The following FDX1 variants were observed in gnomAD, a reference collection of about 807,000 sequenced individuals.
FDX1 encodes adrenodoxin, mitochondrial.
A neutral mutation model predicts 14.9 loss-of-function variants in FDX1; 9 were observed. The ratio of observed to expected loss-of-function variants is 0.60; its 90% CI spans 0.36 to 1.05. The LOEUF (loss-of-function observed/expected upper bound fraction) is 1.05. Ranked by LOEUF, FDX1 falls within the 50% of genes least tolerant of loss-of-function variation. FDX1 has a pLI of 0.01. For missense variants in FDX1, 204 were observed against 237.2 expected (o/e 0.86, Z 0.92); for synonymous variants, 92 against 99.4 (o/e 0.93, Z 0.44).
intron 2 of FDX1, among the ~76,000 whole-genome samples, chr11:110,450,524 T>C (rs1290972208): frequency 3.9e-5 from 6 of 152,228 alleles, no homozygotes; most frequent in African/African-American, 1.4e-4. Flanking sequence ...CTGTGTGGCC[T>C]GTGGCTCGGG....
At chr11:110,434,589 T>C (rs1022388212) in intron 1 of FDX1, among the ~76,000 whole-genome samples, 6 of 152,072 alleles carry the variant, frequency 3.9e-5, no homozygotes, top group African/African-American at 1.4e-4. Context: ...CGCCTTGGCC[T>C]CCCAAAGTGT....
chr11:110,430,156 C>T lies in FDX1; in HGVS notation c.36C>T (p.Ala12=). ...CTGGGGGCGCCCGGCTGCTGCGCGC[C>T]GCTTCTGCTGTCCTCGGCGGCCCGG... is the stretch of plus-strand genomic sequence containing the variant. ...AAAGGARLLR[A]ASAVLGGPAG... The change falls in exon 1 of 4, where the codon GCC becomes GCT. Residue 12 remains alanine (A), a synonymous_variant. Coordinates refer to ENST00000260270, the MANE Select transcript of FDX1 (RefSeq NM_004109.5). 1.6e-6 allele frequency: 2 copies of T among 1,242,672 alleles called. No homozygotes were observed. The highest frequency in any genetic ancestry group is 2.0e-6 in the Non-Finnish European group (2 of 996,606). 77.0% of individuals were successfully genotyped at this position (1,242,672 alleles called of 1,614,324 possible). A position where few individuals can be genotyped will look rare whatever the true frequency, so the allele number is the denominator to read the frequency against.
chr11:110,444,927 G>A (rs1946440935), intron 2 of FDX1, among the ~76,000 whole-genome samples: 1 of 151,286 alleles, frequency 6.6e-6, no homozygotes, highest in African/African-American at 2.4e-5. Context: ...CCTGGGCAAA[G>A]CTAAGAACCT....
intron 3 of FDX1, among the ~76,000 whole-genome samples, chr11:110,460,531 A>G (rs1946550116): frequency 6.6e-6 from 1 of 152,188 alleles, no homozygotes; most frequent in Non-Finnish European, 1.5e-5. Flanking sequence ...TCCAAAGCCC[A>G]TTGTGGACAA....
At chr11:110,461,627 T>G (rs1946557506) in intron 3 of FDX1, among the ~76,000 whole-genome samples, 1 of 152,174 alleles carries the variant, frequency 6.6e-6, no homozygotes, top group Admixed American at 6.5e-5. Context: ...CACCCTGCTT[T>G]CTTTCTGTAT....
At chr11:110,448,221 T>C (rs1217537280) in intron 2 of FDX1, among the ~76,000 whole-genome samples, 1 of 152,226 alleles carries the variant, frequency 6.6e-6, no homozygotes, top group East Asian at 1.9e-4. Context: ...AGGGAAATTA[T>C]ACAAATTGGA....
chr11:110,449,287 C>A (rs933367916), intron 2 of FDX1, among the ~76,000 whole-genome samples: 2 of 152,138 alleles, frequency 1.3e-5, no homozygotes, highest in African/African-American at 4.8e-5. Context: ...GTTGTATAAC[C>A]AAGCCAGGAT....
intron 2 of FDX1, among the ~76,000 whole-genome samples, chr11:110,441,373 A>G (rs903807460): frequency 6.6e-6 from 1 of 152,194 alleles, no homozygotes; most frequent in South Asian, 2.1e-4. Context: ...AAAATATGGG[A>G]AAGTTTGGAA....
At chr11:110,462,073 A>G (rs1337873037) in intron 3 of FDX1, among the ~76,000 whole-genome samples, 1 of 152,130 alleles carries the variant, frequency 6.6e-6, no homozygotes, top group African/African-American at 2.4e-5. Flanking sequence ...CAGCTCTTTG[A>G]CCAAAAAGTA....
intron 1 of FDX1, among the ~76,000 whole-genome samples, chr11:110,431,075 A>G (rs11213398): frequency 0.32 from 48,986 of 151,976 alleles, 8,043 homozygotes; most frequent in East Asian, 0.39. Context: ...CTAGCACGTA[A>G]TGAGGGCTCA....
intron 2 of FDX1, among the ~76,000 whole-genome samples, chr11:110,456,509 C>CTTTTTTTTTT (rs11463993): frequency 3.6e-5 from 3 of 83,804 alleles, no homozygotes; most frequent in Admixed American, 3.3e-4. Context: ...TTTATGTATT[C>CTTTTTTTTTT]TTTTTTTTTT....
At chr11:110,439,104 C>T (rs1458868337) in intron 2 of FDX1, among the ~76,000 whole-genome samples, 1 of 152,062 alleles carries the variant, frequency 6.6e-6, no homozygotes, top group Non-Finnish European at 1.5e-5. Context: ...TAGGGTTTCA[C>T]CATGTTGGCC....
intron 2 of FDX1, among the ~76,000 whole-genome samples, chr11:110,440,865 C>T (rs1946400423): frequency 6.6e-6 from 1 of 152,166 alleles, no homozygotes. Context: ...AAAAAAATCA[C>T]TTGGTGAAGG....
At chr11:110,439,992 T>C (rs1946395107) in intron 2 of FDX1, among the ~76,000 whole-genome samples, 1 of 152,194 alleles carries the variant, frequency 6.6e-6, no homozygotes, top group African/African-American at 2.4e-5. Context: ...TCTAGATGTA[T>C]GGCTTTATTT....
intron 2 of FDX1, among the ~76,000 whole-genome samples, chr11:110,452,289 G>A (rs375278730): frequency 3.9e-5 from 6 of 151,996 alleles, no homozygotes; most frequent in African/African-American, 1.2e-4. Context: ...ACTGTTAAGG[G>A]ACTGAAAAGC....
At chr11:110,455,248 C>T (rs1946514596) in intron 2 of FDX1, among the ~76,000 whole-genome samples, 1 of 152,132 alleles carries the variant, frequency 6.6e-6, no homozygotes, top group Non-Finnish European at 1.5e-5. Flanking sequence ...GATCCATCTG[C>T]CTCGGCCTCC....
intron 2 of FDX1, among the ~76,000 whole-genome samples, chr11:110,448,159 T>C (rs1946463776): frequency 6.6e-6 from 1 of 152,202 alleles, no homozygotes; most frequent in Non-Finnish European, 1.5e-5. Flanking sequence ...TAGTTTACTC[T>C]CAAGACATTT....
At chr11:110,439,965 T>G (rs1946394926) in intron 2 of FDX1, among the ~76,000 whole-genome samples, 1 of 152,184 alleles carries the variant, frequency 6.6e-6, no homozygotes, top group Non-Finnish European at 1.5e-5. Context: ...TTGTTGACTT[T>G]GTGAAAGATC....
intron 2 of FDX1, among the ~76,000 whole-genome samples, chr11:110,441,824 A>T (rs556257352): frequency 5.9e-5 from 9 of 152,314 alleles, no homozygotes; most frequent in African/African-American, 2.2e-4. Flanking sequence ...ACTGGGGAAA[A>T]TGTCTCCAGG....
Sources: allele counts gnomAD v4.1 joint callset (sites outside exome capture counted in the v4.1 genomes callset), GRCh38; gene constraint gnomAD v4.1.1; transcripts MANE v1.5; gene names NCBI Gene and HGNC (gene_info 2026-07-23, HGNC 2026-07-21).